IVNS1ABP: variants seen among roughly 807,000 people sequenced by gnomAD.
IVNS1ABP encodes influenza virus NS1A binding protein.
Under a neutral mutation model 78.9 loss-of-function variants are expected in IVNS1ABP, and 25 were observed. The ratio of observed to expected loss-of-function variants is 0.32; its 90% CI spans 0.23 to 0.44. IVNS1ABP has a LOEUF of 0.44. Ranked by LOEUF, IVNS1ABP falls within the 20% of genes least tolerant of loss-of-function variation. The pLI, the probability that IVNS1ABP is intolerant of heterozygous loss-of-function variation, is 1.00. For missense variants in IVNS1ABP, 494 were observed against 768.9 expected, an observed-to-expected ratio of 0.64 and a Z score of 4.23; for synonymous variants, 241 against 259.7, an observed-to-expected ratio of 0.93 and a Z score of 0.69.
chr1:185,313,457 C>T (rs1033745706), intron 1 of IVNS1ABP, among the ~76,000 whole-genome samples: 9 of 152,138 alleles, frequency 5.9e-5, no homozygotes, highest in Admixed American at 2.6e-4. Context: ...TTATTGTCCT[C>T]ATACACTATA....
chr1:185,307,457 G>A (rs1308647437), intron 6 of IVNS1ABP, 32 bp downstream of exon 6: 5 of 1,530,256 alleles, frequency 3.3e-6, no homozygotes, highest in Non-Finnish European at 4.5e-6. Context: ...GAACTAGATA[G>A]TATATATCTG....
intron 7 of IVNS1ABP, chr1:185,306,491 A>G (rs1665744434): frequency 7.8e-7 from 1 of 1,289,554 alleles, no homozygotes. Context: ...ACACCATTAA[A>G]TCATCATCGT....
rs1171368555 is a variant in IVNS1ABP at position 185,317,063 on chromosome 1, CGGGAGCGGTCAAGT to C, written c.-371_-358del. ...GAAAGCGCCAGAAGGCGGCGGAAGA[CGGGAGCGGTCAAGT>C]AGAAGGACGAGGGGCCAGTCCGTGG... is the stretch of plus-strand genomic sequence containing the variant. On this transcript the variant is annotated 5_prime_UTR_variant, in exon 1 of 15. Transcript: ENST00000367498. 5.0e-6 allele frequency: 2 copies of C among 398,644 alleles called. No homozygotes were observed. Among genetic ancestry groups the C allele is most frequent in the Non-Finnish European group, 8.8e-6 (2 of 226,264 alleles). 24.7% of individuals were successfully genotyped at this position (398,644 alleles called of 1,614,324 possible). A position where few individuals can be genotyped will look rare whatever the true frequency, so the allele number is the denominator to read the frequency against.
intron 1 of IVNS1ABP, among the ~76,000 whole-genome samples, chr1:185,316,550 G>A (rs966733569): frequency 1.3e-5 from 2 of 152,246 alleles, no homozygotes; most frequent in African/African-American, 2.4e-5. Context: ...CAGCAAGAAC[G>A]GGGAGTCCCG....
chr1:185,299,922 C>G, intron 13 of IVNS1ABP, 39 bp from the exon 14 acceptor site: 5 of 1,612,714 alleles, frequency 3.1e-6, no homozygotes, highest in Non-Finnish European at 4.2e-6. Context: ...GCTACATCTC[C>G]CAGACTCTAA....
chr1:185,307,645 T>C lies in IVNS1ABP; in HGVS notation c.375A>G (p.Leu125=). The part of the protein sequence containing the change: ...DRVKQVCGDY[L]LSRMDVTSCI... Reference sequence around the variant, plus strand: ...AGCTGGTAACATCCATTCTAGACAGTAAATAATCACCACAAACCTTGGAAA... The same window carrying C: ...AGCTGGTAACATCCATTCTAGACAGCAAATAATCACCACAAACCTTGGAAA... The change falls in exon 6 of 15, where the codon TTA becomes TTG. Residue 125 remains leucine (L), a synonymous_variant. Coordinates refer to ENST00000367498, the MANE Select transcript of IVNS1ABP (RefSeq NM_006469.5). 3 of 1,612,886 alleles carry C rather than the reference T, an allele frequency of 1.9e-6. No homozygotes were observed. The highest frequency in any genetic ancestry group is 2.5e-6 in the Non-Finnish European group (3 of 1,179,402).
intron 1 of IVNS1ABP, among the ~76,000 whole-genome samples, chr1:185,312,660 G>A (rs1352206075): frequency 6.6e-6 from 1 of 152,154 alleles, no homozygotes; most frequent in African/African-American, 2.4e-5. Context: ...CTATATCACA[G>A]CATTAGGTAA....
chr1:185,301,785 G>A (rs1179820646), intron 8 of IVNS1ABP: 1 of 343,490 alleles, frequency 2.9e-6, no homozygotes, highest in Non-Finnish European at 5.2e-6. Context: ...ATTAGCCTAG[G>A]TAAGAAAAAG....
chr1:185,303,158 C>G (rs1391891872), intron 8 of IVNS1ABP, among the ~76,000 whole-genome samples: 1 of 151,986 alleles, frequency 6.6e-6, no homozygotes, highest in Admixed American at 6.6e-5. Context: ...TGAGGCTGTA[C>G]TGAAGTAAAA....
At chr1:185,316,919 C>A in intron 1 of IVNS1ABP, 34 bp downstream of exon 1, 1 of 398,332 alleles carries the variant, frequency 2.5e-6, no homozygotes, top group South Asian at 1.3e-4. Context: ...CGCCGTCTCC[C>A]TCATCTGTCG....
intron 8 of IVNS1ABP, among the ~76,000 whole-genome samples, chr1:185,302,132 T>C (rs1173296519): frequency 1.3e-5 from 2 of 152,118 alleles, no homozygotes; most frequent in Admixed American, 6.6e-5. Context: ...ATAGGTATTA[T>C]AGAGTGGTTT....
intron 1 of IVNS1ABP, among the ~76,000 whole-genome samples, chr1:185,315,001 A>G (rs1420076913): frequency 6.6e-6 from 1 of 152,236 alleles, no homozygotes; most frequent in East Asian, 1.9e-4. Context: ...GTTTACAAGT[A>G]TGTATTTTCT....
Position 185,300,263 on chromosome 1 carries a change from A to C in IVNS1ABP, c.1323T>G (p.Asp441Glu), listed in dbSNP as rs373387940. The C allele has an allele frequency of 6.2e-7, 1 of 1,613,314 alleles. No homozygotes were observed. The highest frequency in any genetic ancestry group is 1.1e-5 in the South Asian group (1 of 91,076). Reference sequence around the variant, plus strand: ...TCAATTCTGGAACAGGAATCCAGTCATCTATGTTTGAATCATACATCTCTC... The same window carrying C: ...TCAATTCTGGAACAGGAATCCAGTCCTCTATGTTTGAATCATACATCTCTC... ...SCGEMYDSNI[D>E]DWIPVPELRT... The change falls in exon 12 of 15, where the codon GAT becomes GAG. Residue 441 changes from aspartate (D) to glutamate (E), a missense_variant. Physicochemically the swap from Asp to Glu is conservative, Grantham distance 45. Coordinates refer to ENST00000367498, the MANE Select transcript of IVNS1ABP (RefSeq NM_006469.5).
rs189780231 is a variant in IVNS1ABP, at chr1:185,310,899, A to G, written c.-19+196T>C. Among the ~76,000 whole-genome samples, 483 of 152,298 alleles carry G rather than the reference A, an allele frequency of 3.2e-3. 2 individuals are homozygous for G. The highest frequency in any genetic ancestry group is 0.011 in the African/African-American group (473 of 41,550). ...TTTAAGGAAAAAAAAAAAGGCAGTA[A>G]GAAATTTTAATTTGAAGTTACTGAT... is the stretch of plus-strand genomic sequence containing the variant. On this transcript the variant is annotated intron_variant, in intron 2 of 14. Coordinates refer to ENST00000367498, the MANE Select transcript of IVNS1ABP (RefSeq NM_006469.5).
At chr1:185,316,535 C>T (rs1666035900) in intron 1 of IVNS1ABP, among the ~76,000 whole-genome samples, 1 of 152,220 alleles carries the variant, frequency 6.6e-6, no homozygotes, top group Non-Finnish European at 1.5e-5. Context: ...GGCGTCCGTT[C>T]CTGACAGCAA....
In IVNS1ABP at chr1:185,300,299, G is replaced by A. The variant is rs1665539355; in HGVS notation, c.1287C>T (p.Asp429=). ...VVGGSNGHSD[D]LSCGEMYDSN... ...AATCATACATCTCTCCACAACTCAG[G>A]TCATCTGAGTGGCCATTTGATCCAC... The change falls in exon 12 of 15, where the codon GAC becomes GAT. Residue 429 remains aspartate (D), a synonymous_variant. Transcript: ENST00000367498. 6.2e-7 allele frequency: 1 copy of A among 1,613,096 alleles called. No homozygotes were observed. The highest frequency in any genetic ancestry group is 1.3e-5 in the African/African-American group (1 of 74,864).
At chr1:185,299,615 A>C in intron 14 of IVNS1ABP, 95 bp downstream of exon 14, 2 of 1,133,034 alleles carry the variant, frequency 1.8e-6, no homozygotes, top group Non-Finnish European at 2.7e-6. Flanking sequence ...TGAATTCTTA[A>C]CTGTACAACT....
rs1410682726 is a variant in IVNS1ABP, at chr1:185,307,482, T to C, written c.531+7A>G. On this transcript the variant is annotated splice_region_variant and intron_variant, in intron 6 of 14. Transcript: ENST00000367498. ...GTATATATCTGTTTATAGACTTTACTCCTTACCTTTAGCCTTGGAAGCTTA... is the reference window on the plus strand; with the variant it reads ...GTATATATCTGTTTATAGACTTTACCCCTTACCTTTAGCCTTGGAAGCTTA... 6.2e-7 allele frequency: 1 copy of C among 1,608,124 alleles called. No homozygotes were observed. The highest frequency in any genetic ancestry group is 1.1e-5 in the South Asian group (1 of 90,808).
Position 185,301,056 on chromosome 1 carries a change from G to A in IVNS1ABP, c.1036C>T (p.Leu346=), listed in dbSNP as rs1665583329. The change falls in exon 10 of 15, where the codon CTA becomes TTA. Residue 346 remains leucine, a synonymous_variant. Coordinates refer to ENST00000367498, the MANE Select transcript of IVNS1ABP (RefSeq NM_006469.5). ...ATAGGAGACATGGGCTTTTCGATTA[G>A]CTCATCTTGTTGCATCTCAAAGCTT... is the stretch of plus-strand genomic sequence containing the variant. ...SLSFEMQQDE[L]IEKPMSPMQY... The A allele has an allele frequency of 6.2e-7, 1 of 1,613,430 alleles. No individual in the cohort carries two copies. Among genetic ancestry groups the A allele is most frequent in the Non-Finnish European group, 8.5e-7 (1 of 1,179,704 alleles).
Sources: gnomAD v4.1 joint callset for allele counts (sites outside exome capture counted in the v4.1 genomes callset) on GRCh38, gnomAD v4.1.1 for gene constraint, MANE v1.5 for transcripts, NCBI Gene and HGNC (gene_info 2026-07-23, HGNC 2026-07-21) for gene names.